TGFBRAP1: variants seen among roughly 807,000 people sequenced by gnomAD.
TGFBRAP1 encodes the protein transforming growth factor beta receptor associated protein 1, also known as transforming growth factor-beta receptor-associated protein 1.
A neutral mutation model predicts 83.2 loss-of-function variants in TGFBRAP1; 20 were observed. That is an observed-to-expected ratio of 0.24 (90% confidence interval 0.17 to 0.35). TGFBRAP1 has a LOEUF of 0.35. TGFBRAP1 is among the 10% of genes least tolerant of loss of function. The probability of loss-of-function intolerance (pLI) is 1.00; values close to 1 mark genes in which losing one functional copy is unlikely to be tolerated. For synonymous variants in TGFBRAP1, 415 were observed against 459.8 expected, an observed-to-expected ratio of 0.90 and a Z score of 1.25; for missense variants, 950 against 1,099.4, an observed-to-expected ratio of 0.86 and a Z score of 1.92.
At chr2:105,250,801 G>A in the TGFBRAP1 span, among the ~76,000 whole-genome samples, 10 of 152,300 alleles carry the variant, frequency 6.6e-5, no homozygotes, top group South Asian at 4.2e-4. Flanking sequence ...TTGCAGGCGC[G>A]CGCCGCCACG....
chr2:105,254,073 A>G, the TGFBRAP1 span, among the ~76,000 whole-genome samples: 15 of 141,460 alleles, frequency 1.1e-4, no homozygotes, highest in South Asian at 2.9e-3. Flanking sequence ...TTTTTTTTCT[A>G]TTTTTTACCA....
At position 105,290,033 on chromosome 2, in the gene TGFBRAP1, C is replaced by A. The variant is rs190694116; in HGVS notation, c.1039-5635G>T. On this transcript the variant is annotated intron_variant, in intron 4 of 11. Transcript: ENST00000393359. ...TACCGCTATATGAGACAAAAAGCAT[C>A]TTTTCATACATTTATTAGATAGGCA... Among the ~76,000 whole-genome samples the A allele has an allele frequency of 7.2e-5, 11 of 152,272 alleles. No homozygotes were observed. The East Asian group carries it at 2.1e-3, about 29-fold the overall frequency.
intron 2 of TGFBRAP1, among the ~76,000 whole-genome samples, chr2:105,299,858 C>T (rs1015599764): frequency 2.0e-5 from 3 of 152,112 alleles, no homozygotes; most frequent in African/African-American, 7.2e-5. Flanking sequence ...AGGACAAGCA[C>T]TAGGAGAAGC....
intron 1 of TGFBRAP1, chr2:105,324,990 C>T (rs572496884): frequency 2.6e-5 from 4 of 152,360 alleles, no homozygotes; most frequent in African/African-American, 7.2e-5. Context: ...CACTAAGAGG[C>T]TTTGTCTGGG....
intron 1 of TGFBRAP1, among the ~76,000 whole-genome samples, chr2:105,325,335 A>C (rs1679195206): frequency 6.6e-6 from 1 of 152,184 alleles, no homozygotes; most frequent in African/African-American, 2.4e-5. Flanking sequence ...ATATAGCATT[A>C]TCCTTTCGTT....
At position 105,269,230 on chromosome 2, in the gene TGFBRAP1, T is replaced by C. The variant is rs1245251177; in HGVS notation, c.2406+42A>G. ...TCAGTAAAATCTACCTTCAGTACAATGTTGACTGACCAGGAAGCAGCTCGT... is the reference window on the plus strand; with the variant it reads ...TCAGTAAAATCTACCTTCAGTACAACGTTGACTGACCAGGAAGCAGCTCGT... On this transcript the variant is annotated intron_variant, in intron 11 of 11. Transcript: ENST00000393359. The surrounding 1 kb of genome is among the most constrained non-coding windows in gnomAD (Gnocchi z 4.1). The C allele has an allele frequency of 3.3e-6, 5 of 1,532,820 alleles. No homozygotes were observed. Among genetic ancestry groups the C allele is most frequent in the Non-Finnish European group, 4.4e-6 (5 of 1,135,702 alleles). 95.0% of individuals were successfully genotyped at this position (1,532,820 alleles called of 1,614,324 possible). A position where few individuals can be genotyped will look rare whatever the true frequency, so the allele number is the denominator to read the frequency against.
At chr2:105,312,703 G>A (rs1678732751) in intron 1 of TGFBRAP1, among the ~76,000 whole-genome samples, 1 of 152,238 alleles carries the variant, frequency 6.6e-6, no homozygotes, top group Non-Finnish European at 1.5e-5. Flanking sequence ...ACTGGTGATA[G>A]TCAGAATCTT....
chr2:105,268,109 T>G (rs187606522), intron 11 of TGFBRAP1, among the ~76,000 whole-genome samples: 1 of 152,356 alleles, frequency 6.6e-6, no homozygotes, highest in East Asian at 1.9e-4. Flanking sequence ...TCAACAGGAC[T>G]TGAGTTCTGA....
At chr2:105,310,368 T>C (rs1678651523) in intron 1 of TGFBRAP1, among the ~76,000 whole-genome samples, 1 of 152,174 alleles carries the variant, frequency 6.6e-6, no homozygotes, top group Non-Finnish European at 1.5e-5. Flanking sequence ...CTATGCTGTC[T>C]TCTGTCCTCA....
intron 1 of TGFBRAP1, among the ~76,000 whole-genome samples, chr2:105,310,156 G>A (rs995329192): frequency 2.0e-5 from 3 of 152,146 alleles, no homozygotes; most frequent in South Asian, 2.1e-4. Flanking sequence ...TGAGAATAAC[G>A]GTACCTACTT....
chr2:105,319,235 A>C (rs1303629844), intron 1 of TGFBRAP1, among the ~76,000 whole-genome samples: 1 of 151,870 alleles, frequency 6.6e-6, no homozygotes, highest in Non-Finnish European at 1.5e-5. Flanking sequence ...TAATTTTTGC[A>C]TTTTTAGTAG....
At chr2:105,275,474 T>C in intron 8 of TGFBRAP1, 86 bp downstream of exon 8, 2 of 1,536,460 alleles carry the variant, frequency 1.3e-6, no homozygotes, top group Non-Finnish European at 8.7e-7. Flanking sequence ...TGTAGCTTTC[T>C]TTTCCCCTCC....
intron 4 of TGFBRAP1, among the ~76,000 whole-genome samples, chr2:105,287,045 C>A (rs1276209966): frequency 6.6e-6 from 1 of 152,214 alleles, no homozygotes; most frequent in African/African-American, 2.4e-5. Context: ...CCAACACAGG[C>A]TGCAACACAG....
intron 1 of TGFBRAP1, among the ~76,000 whole-genome samples, chr2:105,326,220 G>A (rs914021128): frequency 1.3e-5 from 2 of 152,096 alleles, no homozygotes; most frequent in Non-Finnish European, 2.9e-5. Context: ...TATATATGGT[G>A]TGTGTATACA....
Position 105,273,658 on chromosome 2 carries a change from C to T in TGFBRAP1, c.1698G>A (p.Leu566=), listed in dbSNP as rs1341991290. The part of the protein sequence containing the change: ...VGVQVFTKRP[L]DEQQKNSFNP... ...TAAAACTGTTCTTCTGCTGTTCATC[C>T]AAAGGTCTCTTGGTGAAAACCTGAA... The change falls in exon 9 of 12, where the codon TTG becomes TTA. Residue 566 remains leucine (L), a synonymous_variant. Transcript: ENST00000393359. The T allele has an allele frequency of 1.2e-6, 2 of 1,614,128 alleles. No individual in the cohort carries two copies. Among genetic ancestry groups the T allele is most frequent in the Non-Finnish European group, 1.7e-6 (2 of 1,180,034 alleles).
At chr2:105,318,554 G>A (rs1678955972) in intron 1 of TGFBRAP1, among the ~76,000 whole-genome samples, 1 of 152,128 alleles carries the variant, frequency 6.6e-6, no homozygotes, top group Non-Finnish European at 1.5e-5. Context: ...TAATAAACCT[G>A]GTAGAATTCA....
At chr2:105,313,529 A>G (rs1471357500) in intron 1 of TGFBRAP1, among the ~76,000 whole-genome samples, 1 of 152,272 alleles carries the variant, frequency 6.6e-6, no homozygotes, top group Non-Finnish European at 1.5e-5. Context: ...GTTTCTAAGG[A>G]TAAAAAGATA....
In TGFBRAP1 at chr2:105,322,368, G is replaced by A. The variant is rs1233781081; in HGVS notation, c.-18+7257C>T. ...GAAGTATTTTTAGAATAAATTTAGT[G>A]TAGCCTAAGTGTACAATATTTACAA... On this transcript the variant is annotated intron_variant, in intron 1 of 11. Coordinates refer to ENST00000393359, the MANE Select transcript of TGFBRAP1 (RefSeq NM_004257.6). Among the ~76,000 whole-genome samples, 3 of 152,152 alleles carry A rather than the reference G, an allele frequency of 2.0e-5. No individual in the cohort carries two copies. In the South Asian group the frequency reaches 6.2e-4, roughly 32 times the overall value.
At position 105,267,328 on chromosome 2, in the gene TGFBRAP1, T is replaced by C. The variant is rs2104301350; in HGVS notation, c.*55A>G. On this transcript the variant is annotated 3_prime_UTR_variant, in exon 12 of 12. Coordinates refer to ENST00000393359, the MANE Select transcript of TGFBRAP1 (RefSeq NM_004257.6). Reference sequence around the variant, plus strand: ...GCATGGTGGTCATCTGCTCTTCATGTCCAGCAGGCTCAGAAAGAACTCGGA... The same window carrying C: ...GCATGGTGGTCATCTGCTCTTCATGCCCAGCAGGCTCAGAAAGAACTCGGA... 4 of 1,600,442 alleles carry C rather than the reference T, an allele frequency of 2.5e-6. No individual in the cohort carries two copies. Among genetic ancestry groups the C allele is most frequent in the Middle Eastern group, 1.9e-4 (1 of 5,238 alleles).
Sources: allele counts gnomAD v4.1 joint callset (sites outside exome capture counted in the v4.1 genomes callset), GRCh38; gene constraint gnomAD v4.1.1; non-coding constraint Gnocchi (gnomAD v3.1); transcripts MANE v1.5; gene names NCBI Gene and HGNC (gene_info 2026-07-23, HGNC 2026-07-21).